The following CATSPERT variants were observed in gnomAD, a reference collection of about 807,000 sequenced individuals.
CATSPERT encodes cation channel sperm-associated targeting subunit tau.
At chr2:201,591,923 G>T in the CATSPERT span, among the ~76,000 whole-genome samples, 89 of 151,904 alleles carry the variant, frequency 5.9e-4, no homozygotes, top group Non-Finnish European at 1.0e-3. Context: ...CAATCATGTC[G>T]TCTGCAAACA....
At chr2:201,533,955 A>T in the CATSPERT span, among the ~76,000 whole-genome samples, 1 of 152,090 alleles carries the variant, frequency 6.6e-6, no homozygotes. Context: ...TGTTAGAGAG[A>T]TTACATAGAA....
chr2:201,569,055 T>C, the CATSPERT span, among the ~76,000 whole-genome samples: 2 of 152,170 alleles, frequency 1.3e-5, no homozygotes, highest in Non-Finnish European at 2.9e-5. Flanking sequence ...CAGTGTCTAG[T>C]AGTCCCCAAA....
At chr2:201,605,327 A>G in the CATSPERT span, among the ~76,000 whole-genome samples, 3 of 152,178 alleles carry the variant, frequency 2.0e-5, no homozygotes, top group Non-Finnish European at 4.4e-5. Context: ...ATGGCCATAG[A>G]GAAGGGACCT....
the CATSPERT span, chr2:201,535,400 G>T: frequency 1.0e-6 from 1 of 977,572 alleles, no homozygotes; most frequent in Non-Finnish European, 1.2e-6. Flanking sequence ...CTGTCATTTT[G>T]AGAAAGTCTA....
chr2:201,497,429 C>T, the CATSPERT span, among the ~76,000 whole-genome samples: 4 of 152,124 alleles, frequency 2.6e-5, no homozygotes, highest in Admixed American at 2.6e-4. Context: ...CATTTGAAGG[C>T]TCATTGCTTT....
chr2:201,597,557 T>G, the CATSPERT span, among the ~76,000 whole-genome samples: 4 of 152,162 alleles, frequency 2.6e-5, no homozygotes, highest in African/African-American at 9.6e-5. Context: ...TGCTTGGGTT[T>G]CTCTCTGCTT....
At chr2:201,604,638 C>G in the CATSPERT span, 2 of 1,599,590 alleles carry the variant, frequency 1.3e-6, no homozygotes, top group Non-Finnish European at 1.7e-6. Context: ...CCAAATTTGG[C>G]GTCTCCTGTG....
At chr2:201,564,306 C>T in the CATSPERT span, among the ~76,000 whole-genome samples, 1 of 152,146 alleles carries the variant, frequency 6.6e-6, no homozygotes, top group Admixed American at 6.5e-5. Flanking sequence ...TGTATACTTT[C>T]TCTGTAGGTA....
the CATSPERT span, among the ~76,000 whole-genome samples, chr2:201,578,876 A>G: frequency 6.6e-6 from 1 of 152,166 alleles, no homozygotes; most frequent in African/African-American, 2.4e-5. Flanking sequence ...AGTCATTTCC[A>G]AAGATCTTCT....
the CATSPERT span, among the ~76,000 whole-genome samples, chr2:201,548,054 CT>C: frequency 2.6e-5 from 4 of 151,220 alleles, no homozygotes; most frequent in Non-Finnish European, 5.9e-5. Flanking sequence ...AAACAACAGA[CT>C]TTTTTTTTAA....
the CATSPERT span, among the ~76,000 whole-genome samples, chr2:201,542,543 A>G: frequency 1.3e-5 from 2 of 152,156 alleles, no homozygotes; most frequent in Non-Finnish European, 2.9e-5. Context: ...TTGACTTTTC[A>G]ATAATAGCCA....
At chr2:201,589,369 C>T in the CATSPERT span, among the ~76,000 whole-genome samples, 14 of 151,188 alleles carry the variant, frequency 9.3e-5, no homozygotes, top group South Asian at 8.3e-4. Context: ...TACAGGGCTA[C>T]GTAACCAAAA....
At chr2:201,550,328 T>A in the CATSPERT span, 1 of 152,200 alleles carries the variant, frequency 6.6e-6, no homozygotes, top group East Asian at 1.9e-4. Context: ...CCTTTTAAGT[T>A]AAAGAATGAA....
chr2:201,532,207 A>G, the CATSPERT span, among the ~76,000 whole-genome samples: 1 of 152,336 alleles, frequency 6.6e-6, no homozygotes, highest in Admixed American at 6.5e-5. Context: ...CATTTATAAG[A>G]ATATAAACTC....
chr2:201,595,038 G>A, the CATSPERT span, among the ~76,000 whole-genome samples: 1 of 152,130 alleles, frequency 6.6e-6, no homozygotes, highest in East Asian at 1.9e-4. Context: ...CGTTCCTTTG[G>A]AGGAGGAGAG....
the CATSPERT span, among the ~76,000 whole-genome samples, chr2:201,585,704 CAGG>C: frequency 6.6e-6 from 1 of 152,044 alleles, no homozygotes. Flanking sequence ...TTGCTCTTCC[CAGG>C]AGAAGGATGA....
At chr2:201,558,286 A>G in the CATSPERT span, 5 of 152,210 alleles carry the variant, frequency 3.3e-5, no homozygotes, top group Admixed American at 3.3e-4. Flanking sequence ...CACTACTCAT[A>G]CAGGTTTTTC....
the CATSPERT span, among the ~76,000 whole-genome samples, chr2:201,575,484 C>T: frequency 6.6e-6 from 1 of 152,236 alleles, no homozygotes; most frequent in East Asian, 1.9e-4. Flanking sequence ...GGTGGGCAAG[C>T]GAGCAAAGCT....
At chr2:201,527,550 C>T in the CATSPERT span, among the ~76,000 whole-genome samples, 2 of 152,064 alleles carry the variant, frequency 1.3e-5, no homozygotes, top group South Asian at 2.1e-4. Flanking sequence ...GGTATTGGTA[C>T]AAAAACAGAC....
Sources: gnomAD v4.1 joint callset for allele counts (sites outside exome capture counted in the v4.1 genomes callset) on GRCh38, gnomAD v4.1.1 for gene constraint, MANE v1.5 for transcripts, NCBI Gene and HGNC (gene_info 2026-07-23, HGNC 2026-07-21) for gene names.